GPR176: variants seen among roughly 807,000 people sequenced by gnomAD.
GPR176 encodes G-protein coupled receptor 176.
Under a neutral mutation model 35.4 loss-of-function variants are expected in GPR176, and 26 were observed. That is an observed-to-expected ratio of 0.74 (90% CI 0.54 to 1.02). The LOEUF (loss-of-function observed/expected upper bound fraction) is 1.02, where lower values mean the gene tolerates loss of function less well. GPR176 is among the 50% of genes least tolerant of loss of function. GPR176 has a pLI of 0.00. For missense variants in GPR176, 597 were observed against 665.3 expected (o/e 0.90, Z 1.13); for synonymous variants, 278 against 271.3 (o/e 1.02, Z -0.24).
intron 1 of GPR176, among the ~76,000 whole-genome samples, chr15:39,914,786 C>T (rs1422516888): frequency 6.6e-6 from 1 of 152,158 alleles, no homozygotes; most frequent in Non-Finnish European, 1.5e-5. Flanking sequence ...AGTATTAACA[C>T]ATCTTCTATC....
chr15:39,866,586 G>C (rs551703580), intron 1 of GPR176, among the ~76,000 whole-genome samples: 423 of 152,096 alleles, frequency 2.8e-3, no homozygotes, highest in Non-Finnish European at 5.4e-3. Context: ...TATATTATAG[G>C]ATTTTTTAAG....
At chr15:39,842,173 C>A (rs1210271323) in intron 1 of GPR176, among the ~76,000 whole-genome samples, 16 of 152,066 alleles carry the variant, frequency 1.1e-4, no homozygotes, top group Admixed American at 1.0e-3. Context: ...TTAATTGGCA[C>A]ACAGTTCCAC....
chr15:39,839,355 C>T (rs1901603445), intron 1 of GPR176, among the ~76,000 whole-genome samples: 1 of 152,138 alleles, frequency 6.6e-6, no homozygotes, highest in African/African-American at 2.4e-5. Flanking sequence ...TTCGACAAAC[C>T]TGTCAAAAAC....
intron 1 of GPR176, among the ~76,000 whole-genome samples, chr15:39,888,773 C>T (rs763628521): frequency 6.6e-6 from 1 of 152,176 alleles, no homozygotes; most frequent in African/African-American, 2.4e-5. Flanking sequence ...TGAACCTTCC[C>T]GATTCTTAGA....
chr15:39,846,298 C>A (rs538416680), intron 1 of GPR176, among the ~76,000 whole-genome samples: 1 of 152,220 alleles, frequency 6.6e-6, no homozygotes, highest in African/African-American at 2.4e-5. Flanking sequence ...GCTATCCTCA[C>A]TCATTCCTGG....
intron 1 of GPR176, among the ~76,000 whole-genome samples, chr15:39,844,534 A>C (rs540992551): frequency 6.6e-6 from 1 of 152,132 alleles, no homozygotes; most frequent in South Asian, 2.1e-4. Flanking sequence ...ATCTTCTTTC[A>C]ATCTGTTCCG....
At chr15:39,824,736 T>C (rs1388826243) in intron 1 of GPR176, among the ~76,000 whole-genome samples, 1 of 152,248 alleles carries the variant, frequency 6.6e-6, no homozygotes, top group Admixed American at 6.5e-5. Flanking sequence ...GCTCCATGCT[T>C]ACTAGTTATG....
intron 1 of GPR176, among the ~76,000 whole-genome samples, chr15:39,908,505 G>GAC (rs1178889116): frequency 6.6e-6 from 1 of 151,718 alleles, no homozygotes. Context: ...ATATTTGTGT[G>GAC]ACAGAAACCC....
chr15:39,903,076 G>A (rs1366780023), intron 1 of GPR176, among the ~76,000 whole-genome samples: 1 of 152,172 alleles, frequency 6.6e-6, no homozygotes, highest in Non-Finnish European at 1.5e-5. Flanking sequence ...CCTTGTGTTA[G>A]ATGATTTTCT....
intron 1 of GPR176, among the ~76,000 whole-genome samples, chr15:39,876,870 G>A (rs1038054840): frequency 6.6e-6 from 1 of 151,706 alleles, no homozygotes; most frequent in African/African-American, 2.4e-5. Context: ...GAGAAAGAGA[G>A]ACAGAGACAG....
intron 1 of GPR176, among the ~76,000 whole-genome samples, chr15:39,811,455 G>C (rs1162485504): frequency 6.6e-6 from 1 of 152,086 alleles, no homozygotes; most frequent in Non-Finnish European, 1.5e-5. Context: ...ATTATAGGTT[G>C]AGTATCCCTT....
chr15:39,880,938 T>C (rs2032450955), intron 1 of GPR176, among the ~76,000 whole-genome samples: 1 of 152,166 alleles, frequency 6.6e-6, no homozygotes, highest in South Asian at 2.1e-4. Context: ...GCCCACAGAA[T>C]TATCTTGCTA....
intron 1 of GPR176, among the ~76,000 whole-genome samples, chr15:39,879,808 T>C (rs575527193): frequency 6.6e-6 from 1 of 152,314 alleles, no homozygotes; most frequent in African/African-American, 2.4e-5. Flanking sequence ...TTATATAAAA[T>C]CCAGACTCCT....
chr15:39,874,953 G>T (rs2032187027), intron 1 of GPR176, among the ~76,000 whole-genome samples: 2 of 152,206 alleles, frequency 1.3e-5, no homozygotes, highest in Non-Finnish European at 1.5e-5. Flanking sequence ...TGAGGCATGA[G>T]ATCACTTGAA....
chr15:39,809,837 G>A (rs897146897), intron 1 of GPR176, among the ~76,000 whole-genome samples: 2 of 152,082 alleles, frequency 1.3e-5, no homozygotes, highest in South Asian at 2.1e-4. Flanking sequence ...AATAACTAAC[G>A]GATACTAGGC....
chr15:39,837,288 A>G (rs981815587), intron 1 of GPR176, among the ~76,000 whole-genome samples: 3 of 152,162 alleles, frequency 2.0e-5, no homozygotes, highest in African/African-American at 7.2e-5. Context: ...GTGCCTGACC[A>G]GCAGTCCTAA....
chr15:39,910,336 C>A (rs7184017), intron 1 of GPR176, among the ~76,000 whole-genome samples: 2,184 of 152,242 alleles, frequency 0.014, 59 homozygotes, highest in African/African-American at 0.05. Flanking sequence ...GCCTGTAATC[C>A]CAGCACTTTG....
At chr15:39,804,394 C>T (rs1899069390) in intron 2 of GPR176, among the ~76,000 whole-genome samples, 1 of 152,284 alleles carries the variant, frequency 6.6e-6, no homozygotes, top group Non-Finnish European at 1.5e-5. Flanking sequence ...AATAGGAATT[C>T]ACCAGCCCTG....
At chr15:39,882,938 G>A (rs949765014) in intron 1 of GPR176, among the ~76,000 whole-genome samples, 4 of 152,170 alleles carry the variant, frequency 2.6e-5, no homozygotes, top group African/African-American at 9.7e-5. Context: ...GGCAAATGTC[G>A]GCAATGCAGT....
Sources: allele counts gnomAD v4.1 joint callset (sites outside exome capture counted in the v4.1 genomes callset), GRCh38; gene constraint gnomAD v4.1.1; transcripts MANE v1.5; gene names NCBI Gene and HGNC (gene_info 2026-07-23, HGNC 2026-07-21).